Variants in XRN1 observed in about 807,000 individuals in gnomAD.
The protein encoded by XRN1 is 5'-3' exoribonuclease 1.
In XRN1, 67 loss-of-function variants were observed where a neutral mutation model predicts 222.3. The ratio of observed to expected loss-of-function variants is 0.30; its 90% CI spans 0.25 to 0.37. The LOEUF is 0.37. XRN1 is among the 10% of genes least tolerant of loss of function. The pLI, the probability that XRN1 is intolerant of heterozygous loss-of-function variation, is 1.00. For synonymous variants in XRN1, 643 were observed against 652.4 expected (o/e 0.99, Z 0.22); for missense variants, 1,707 against 2,000.2 (o/e 0.85, Z 2.80).
chr3:142,404,779 T>G, intron 16 of XRN1, 128 bp downstream of exon 16: 1 of 826,598 alleles, frequency 1.2e-6, no homozygotes, highest in Non-Finnish European at 1.9e-6. Flanking sequence ...GATTATCAAT[T>G]GACTATAACT....
chr3:142,429,609 T>C (rs1421753546), intron 2 of XRN1: 1 of 152,248 alleles, frequency 6.6e-6, no homozygotes, highest in Non-Finnish European at 1.5e-5. Context: ...AATGTAGTGC[T>C]CAATACCAGC....
At chr3:142,353,784 A>C (rs757625719) in intron 32 of XRN1, among the ~76,000 whole-genome samples, 24 of 152,200 alleles carry the variant, frequency 1.6e-4, no homozygotes, top group Non-Finnish European at 2.9e-4. Context: ...ATGTATGACT[A>C]AGTCCTCAAA....
chr3:142,431,508 C>G (rs1046744561), intron 2 of XRN1, among the ~76,000 whole-genome samples: 2 of 151,700 alleles, frequency 1.3e-5, no homozygotes, highest in African/African-American at 2.4e-5. Context: ...GAGTGAAACC[C>G]TGTCTCTATT....
At chr3:142,332,725 C>T in intron 35 of XRN1, 191 bp from the exon 36 acceptor site, 1 of 728,836 alleles carries the variant, frequency 1.4e-6, no homozygotes, top group South Asian at 3.0e-5. Context: ...GATACTTATC[C>T]TCCTGCTTAA....
At chr3:142,312,836 T>C (rs1168110957) in intron 39 of XRN1, 78 bp from the exon 40 acceptor site, 1 of 1,463,766 alleles carries the variant, frequency 6.8e-7, no homozygotes, top group Non-Finnish European at 9.2e-7. Flanking sequence ...CTCCTTCTGC[T>C]AGCCTTTTTG....
At chr3:142,311,867 T>TCC in intron 40 of XRN1, 54 bp from the exon 41 acceptor site, 1 of 1,500,628 alleles carries the variant, frequency 6.7e-7, no homozygotes, top group South Asian at 1.4e-5. Context: ...AATTAGCTAG[T>TCC]GTTGGAAATT....
chr3:142,383,980 A>C (rs992607031), intron 21 of XRN1, among the ~76,000 whole-genome samples: 1 of 151,840 alleles, frequency 6.6e-6, no homozygotes, highest in African/African-American at 2.4e-5. Context: ...CTTAAAAAAA[A>C]CCATAAAAGG....
intron 9 of XRN1, 123 bp from the exon 10 acceptor site, chr3:142,421,276 T>C: frequency 9.7e-7 from 1 of 1,026,788 alleles, no homozygotes; most frequent in Non-Finnish European, 1.4e-6. Context: ...CTCTTTTATA[T>C]ATATGGGAGA....
At chr3:142,443,824 C>T (rs1176195212) in intron 1 of XRN1, among the ~76,000 whole-genome samples, 1 of 152,204 alleles carries the variant, frequency 6.6e-6, no homozygotes, top group Admixed American at 6.5e-5. Flanking sequence ...GATTTGGAAG[C>T]AACCTAAGCG....
chr3:142,391,567 A>G (rs2067712280), intron 20 of XRN1, among the ~76,000 whole-genome samples: 1 of 151,796 alleles, frequency 6.6e-6, no homozygotes, highest in African/African-American at 2.4e-5. Context: ...CATCTCTACA[A>G]AAAATTAAAA....
intron 20 of XRN1, among the ~76,000 whole-genome samples, chr3:142,396,497 G>A (rs1247503071): frequency 6.6e-6 from 1 of 152,142 alleles, no homozygotes; most frequent in African/African-American, 2.4e-5. Flanking sequence ...CTATGATGGG[G>A]TATCTAATTT....
chr3:142,319,407 C>T (rs2065289417), intron 37 of XRN1, among the ~76,000 whole-genome samples: 1 of 151,972 alleles, frequency 6.6e-6, no homozygotes, highest in Non-Finnish European at 1.5e-5. Flanking sequence ...AAGTTAATTG[C>T]CAAAATATAA....
At chr3:142,352,488 T>A (rs1212540311) in intron 32 of XRN1, among the ~76,000 whole-genome samples, 2 of 152,170 alleles carry the variant, frequency 1.3e-5, no homozygotes, top group East Asian at 3.8e-4. Flanking sequence ...TAATTTTTTA[T>A]GTTTATTTTA....
At chr3:142,393,358 T>G (rs1326154733) in intron 20 of XRN1, among the ~76,000 whole-genome samples, 5 of 144,902 alleles carry the variant, frequency 3.5e-5, no homozygotes, top group Admixed American at 1.4e-4. Flanking sequence ...TTTTGTCTTT[T>G]GTTGCCATTG....
At chr3:142,314,396 GATC>G (rs1443705133) in intron 39 of XRN1, among the ~76,000 whole-genome samples, 2 of 152,078 alleles carry the variant, frequency 1.3e-5, no homozygotes, top group Non-Finnish European at 2.9e-5. Flanking sequence ...AAAAATATAT[GATC>G]ATAAGACAAT....
chr3:142,347,375 A>T (rs2066174955), intron 32 of XRN1, 33 bp from the exon 33 acceptor site: 2 of 1,333,026 alleles, frequency 1.5e-6, no homozygotes, highest in African/African-American at 1.5e-5. Flanking sequence ...ATTAAACAAA[A>T]TCTTAATATT....
At chr3:142,431,996 G>GTATATATTATATAATATAT (rs1559880263) in intron 2 of XRN1, among the ~76,000 whole-genome samples, 18 of 33,382 alleles carry the variant, frequency 5.4e-4, no homozygotes, top group African/African-American at 4.2e-3. Context: ...ATAATATATT[G>GTATATATTATATAATATAT]TATATATATA....
intron 13 of XRN1, among the ~76,000 whole-genome samples, chr3:142,416,891 C>T (rs972963508): frequency 3.3e-5 from 5 of 151,380 alleles, no homozygotes; most frequent in Non-Finnish European, 5.9e-5. Context: ...AATTAGCTGG[C>T]CGTGGTGGCG....
At chr3:142,322,079 A>G (rs1334514529) in intron 37 of XRN1, among the ~76,000 whole-genome samples, 1 of 152,204 alleles carries the variant, frequency 6.6e-6, no homozygotes, top group Non-Finnish European at 1.5e-5. Flanking sequence ...GTTTTAGGTT[A>G]GAGGGTATCA....
Sources: gnomAD v4.1 joint callset for allele counts (sites outside exome capture counted in the v4.1 genomes callset) on GRCh38, gnomAD v4.1.1 for gene constraint, MANE v1.5 for transcripts, NCBI Gene and HGNC (gene_info 2026-07-23, HGNC 2026-07-21) for gene names.